RERE: variants seen among roughly 807,000 people sequenced by gnomAD.
RERE encodes the protein arginine-glutamic acid dipeptide repeats protein.
Under a neutral mutation model 146.1 loss-of-function variants are expected in RERE, and 40 were observed. That is an observed-to-expected ratio of 0.27 (90% CI 0.21 to 0.36). The LOEUF (loss-of-function observed/expected upper bound fraction) is 0.36, where lower values mean the gene tolerates loss of function less well. RERE is among the 10% of genes least tolerant of loss of function. The pLI is 1.00. For synonymous variants in RERE, 1,003 were observed against 866.0 expected (o/e 1.16, Z -2.78); for missense variants, 1,933 against 2,138.7 (o/e 0.90, Z 1.90).
intron 1 of RERE, among the ~76,000 whole-genome samples, chr1:8,688,020 A>G (rs374842340): frequency 1.3e-5 from 2 of 152,236 alleles, no homozygotes; most frequent in South Asian, 2.1e-4. Flanking sequence ...GCACAACTCT[A>G]TGAACACAGA....
intron 1 of RERE, among the ~76,000 whole-genome samples, chr1:8,729,754 G>A (rs1469375938): frequency 6.6e-6 from 1 of 152,182 alleles, no homozygotes; most frequent in Non-Finnish European, 1.5e-5. Flanking sequence ...AGATGGAAAA[G>A]GGGATTATGA....
At chr1:8,747,684 T>C (rs1640449197) in intron 1 of RERE, among the ~76,000 whole-genome samples, 1 of 152,016 alleles carries the variant, frequency 6.6e-6, no homozygotes, top group South Asian at 2.1e-4. Context: ...CCATACACAT[T>C]TTACCCCCAA....
chr1:8,739,161 T>C (rs1354464906), intron 1 of RERE, among the ~76,000 whole-genome samples: 1 of 152,144 alleles, frequency 6.6e-6, no homozygotes, highest in Non-Finnish European at 1.5e-5. Flanking sequence ...AACACAGCAA[T>C]AGCTGACATA....
At chr1:8,528,261 G>A (rs777443479) in intron 7 of RERE, among the ~76,000 whole-genome samples, 5 of 152,074 alleles carry the variant, frequency 3.3e-5, no homozygotes, top group African/African-American at 9.7e-5. Flanking sequence ...AAAAGGTGAG[G>A]AAACATGTTG....
chr1:8,756,224 C>T lies in RERE; in HGVS notation c.-145+60936G>A, dbSNP rs182294014. Among the ~76,000 whole-genome samples, 1,018 of 152,246 alleles carry T rather than the reference C, an allele frequency of 6.7e-3. 6 individuals are homozygous for T. The highest frequency in any genetic ancestry group is 0.02 in the Middle Eastern group (6 of 294). On this transcript the variant is annotated intron_variant, in intron 1 of 22. Coordinates refer to ENST00000400908, the MANE Select transcript of RERE (RefSeq NM_001042681.2). Reference sequence around the variant, plus strand: ...GGTCAAGAAACAAGTATAATTCTTACAAGCAACTAATTCACAAAACAATTA... The same window carrying T: ...GGTCAAGAAACAAGTATAATTCTTATAAGCAACTAATTCACAAAACAATTA...
At chr1:8,566,017 T>C (rs1646148194) in intron 4 of RERE, among the ~76,000 whole-genome samples, 1 of 152,216 alleles carries the variant, frequency 6.6e-6, no homozygotes, top group Non-Finnish European at 1.5e-5. Flanking sequence ...CACTGAGTCA[T>C]TAAACATTTT....
At chr1:8,705,813 G>C (rs2124447902) in intron 1 of RERE, among the ~76,000 whole-genome samples, 1 of 152,232 alleles carries the variant, frequency 6.6e-6, no homozygotes, top group East Asian at 1.9e-4. Flanking sequence ...TAACATCTAT[G>C]CAAATAAGAA....
chr1:8,778,821 A>T (rs917906419), intron 1 of RERE, among the ~76,000 whole-genome samples: 7 of 152,092 alleles, frequency 4.6e-5, no homozygotes, highest in Admixed American at 4.6e-4. Flanking sequence ...CCCAAAAAAA[A>T]AAAAGAAAAA....
At chr1:8,660,278 A>C (rs945398097) in intron 1 of RERE, among the ~76,000 whole-genome samples, 2 of 152,198 alleles carry the variant, frequency 1.3e-5, no homozygotes, top group African/African-American at 4.8e-5. Flanking sequence ...ACAGTGATCA[A>C]CACATACCAA....
intron 1 of RERE, among the ~76,000 whole-genome samples, chr1:8,710,810 T>C (rs1639652633): frequency 6.6e-6 from 1 of 152,058 alleles, no homozygotes; most frequent in Admixed American, 6.6e-5. Context: ...CCACCGTGCC[T>C]GGCCATAGTC....
chr1:8,675,301 TAAAC>T (rs1350469164), intron 1 of RERE, among the ~76,000 whole-genome samples: 1 of 151,954 alleles, frequency 6.6e-6, no homozygotes, highest in Non-Finnish European at 1.5e-5. Flanking sequence ...TAGTTTTAAA[TAAAC>T]AAATGACATG....
intron 1 of RERE, among the ~76,000 whole-genome samples, chr1:8,740,023 G>A (rs1557514487): frequency 6.6e-6 from 1 of 151,656 alleles, no homozygotes; most frequent in African/African-American, 2.4e-5. Context: ...CCACTTTTTG[G>A]TTAGCTGATT....
At chr1:8,429,455 T>C (rs1048562180) in intron 11 of RERE, among the ~76,000 whole-genome samples, 3 of 147,598 alleles carry the variant, frequency 2.0e-5, no homozygotes, top group African/African-American at 7.5e-5. Flanking sequence ...GGTGTGCAAA[T>C]TCCCCTCATC....
chr1:8,546,325 A>G (rs918587420), intron 6 of RERE, among the ~76,000 whole-genome samples: 65 of 151,342 alleles, frequency 4.3e-4, no homozygotes, highest in African/African-American at 1.4e-3. Context: ...ATATATATAT[A>G]TAATTTTAGT....
At chr1:8,628,941 C>CT (rs1262387307) in intron 2 of RERE, among the ~76,000 whole-genome samples, 2 of 152,138 alleles carry the variant, frequency 1.3e-5, no homozygotes, top group Non-Finnish European at 2.9e-5. Flanking sequence ...GCATATACTT[C>CT]TTTTTTTATT....
At position 8,360,517 on chromosome 1, in the gene RERE, A is replaced by G. The variant is rs1346021932; in HGVS notation, c.2990T>C (p.Leu997Ser). Residue 997 changes from leucine (L) to serine (S), a missense_variant, in exon 18 of 23, where the codon TTG becomes TCG. Leu to Ser is a moderately radical substitution (Grantham distance 145). Transcript: ENST00000400908. ...GGGGGGCTGGGCGGGCGAGGAGGGC[A>G]ATGGCTGGCTCTGAGGCATGAGTTG... ...PLQLMPQSQP[L>S]PSSPAQPPGL... 3 of 1,022,964 alleles carry G rather than the reference A, an allele frequency of 2.9e-6. No individual in the cohort carries two copies. The highest frequency in any genetic ancestry group is 7.4e-5 in the East Asian group (1 of 13,444). 63.4% of individuals were successfully genotyped at this position (1,022,964 alleles called of 1,614,324 possible).
chr1:8,639,620 C>T (rs1012403708), intron 2 of RERE, among the ~76,000 whole-genome samples: 8 of 152,138 alleles, frequency 5.3e-5, no homozygotes, highest in Non-Finnish European at 8.8e-5. Flanking sequence ...AGAGTAATTA[C>T]CAGATGCAAA....
At chr1:8,631,664 G>T (rs555088992) in intron 2 of RERE, among the ~76,000 whole-genome samples, 8 of 152,216 alleles carry the variant, frequency 5.3e-5, no homozygotes, top group African/African-American at 1.9e-4. Flanking sequence ...CTCTGAAAAC[G>T]TTCCTTAAAT....
At chr1:8,767,322 G>A (rs1640867185) in intron 1 of RERE, among the ~76,000 whole-genome samples, 1 of 152,178 alleles carries the variant, frequency 6.6e-6, no homozygotes, top group Non-Finnish European at 1.5e-5. Flanking sequence ...AGCAATGGAG[G>A]CCAGGCACAG....
Sources: allele counts gnomAD v4.1 joint callset (sites outside exome capture counted in the v4.1 genomes callset), GRCh38; gene constraint gnomAD v4.1.1; transcripts MANE v1.5; gene names NCBI Gene and HGNC (gene_info 2026-07-23, HGNC 2026-07-21).